Variants in MAZ observed in about 807,000 individuals in gnomAD.
MAZ encodes MYC associated zinc finger protein, also known as myc-associated zinc finger protein.
Under a neutral mutation model 32.7 loss-of-function variants are expected in MAZ, and 4 were observed. That is an observed-to-expected ratio of 0.12 (90% confidence interval 0.06 to 0.28). MAZ has a LOEUF of 0.28. Ranked by LOEUF, MAZ falls within the 10% of genes least tolerant of loss-of-function variation. MAZ has a pLI of 1.00. For missense variants in MAZ, 763 were observed against 667.2 expected, an observed-to-expected ratio of 1.14 and a Z score of -1.58; for synonymous variants, 510 against 297.6, an observed-to-expected ratio of 1.71 and a Z score of -7.35.
At position 29,807,299 on chromosome 16, in the gene MAZ, G is replaced by T; in HGVS notation, c.514G>T (p.Ala172Ser). 6.4e-7 allele frequency: 1 copy of T among 1,565,240 alleles called. No homozygotes were observed. The highest frequency in any genetic ancestry group is 8.6e-7 in the Non-Finnish European group (1 of 1,158,786). Residue 172 changes from alanine to serine, a missense_variant, in exon 2 of 5, where the codon GCC (alanine) becomes TCC (serine). Coordinates refer to ENST00000322945, the MANE Select transcript of MAZ (RefSeq NM_002383.4). ...CGTCGTAGCCCCAACCTCGACGGTC[G>T]CCGTGGCCCCGGTCGCGTCTGCCTT... ...TAVVAPTSTV[A>S]VAPVASALEK...
chr16:29,808,379 TTC>T (rs1056462004), intron 3 of MAZ, 86 bp downstream of exon 3: 19 of 1,359,146 alleles, frequency 1.4e-5, no homozygotes, highest in South Asian at 4.7e-5. Context: ...GACCCCCTTT[TTC>T]TCTCTCTTCT....
chr16:29,806,924 T>TGG, intron 1 of MAZ, 31 bp downstream of exon 1: 1 of 1,243,296 alleles, frequency 8.0e-7, no homozygotes, highest in Non-Finnish European at 1.0e-6. Flanking sequence ...CGGCCCGGGC[T>TGG]GGGGGGGGAC....
intron 4 of MAZ, chr16:29,809,161 T>C: frequency 2.1e-6 from 1 of 485,526 alleles, no homozygotes; most frequent in East Asian, 3.6e-5. Flanking sequence ...AAAGCTGCCT[T>C]CAGTCAGACT....
intron 2 of MAZ, 132 bp downstream of exon 2, chr16:29,807,960 G>A: frequency 3.4e-6 from 5 of 1,451,470 alleles, no homozygotes; most frequent in East Asian, 2.4e-5. Context: ...CAGGGCGGAG[G>A]GAGGAAGCCT....
rs772566942 is a variant in MAZ, at chr16:29,810,157, A to C, written c.1360A>C (p.Thr454Pro). The C allele has an allele frequency of 1.2e-6, 2 of 1,610,334 alleles. No homozygotes were observed. The highest frequency in any genetic ancestry group is 1.7e-6 in the Non-Finnish European group (2 of 1,178,630). ...AAAAAVAAPP[T>P]AVGSLSGAEG... The stretch of plus-strand genomic sequence containing the variant: ...AGCGGCAGCAGTAGCAGCCCCTCCC[A>C]CAGCTGTGGGCTCCCTCTCGGGGGC... Residue 454 changes from threonine to proline, a missense_variant, in exon 5 of 5, where the codon ACA becomes CCA. Thr to Pro is a conservative substitution (Grantham distance 38). Transcript: ENST00000322945.
At position 29,806,674 on chromosome 16, in the gene MAZ, C is replaced by G; in HGVS notation, c.-28C>G. The G allele has an allele frequency of 9.2e-7, 1 of 1,083,678 alleles. No homozygotes were observed. Among genetic ancestry groups the G allele is most frequent in the Non-Finnish European group, 1.1e-6 (1 of 887,760 alleles). 67.1% of individuals were successfully genotyped at this position (1,083,678 alleles called of 1,614,324 possible). ...GCCCGCGCCCCCGGCCCCCGCTGAG[C>G]CCCGGGGGCCCCGCTGCGGCCGAGG... On this transcript the variant is annotated 5_prime_UTR_variant, in exon 1 of 5. Transcript: ENST00000322945.
intron 4 of MAZ, chr16:29,809,497 C>G: frequency 7.5e-7 from 1 of 1,325,928 alleles, no homozygotes; most frequent in Non-Finnish European, 1.1e-6. Flanking sequence ...CTGGGGTCTC[C>G]GCCTGGCTGA....
chr16:29,806,978 G>C lies in MAZ; in HGVS notation c.193G>C (p.Ala65Pro). The change falls in exon 2 of 5, where the codon GCC (alanine) becomes CCC (proline). Residue 65 changes from alanine (A) to proline (P), a missense_variant and splice_region_variant. By Grantham distance (27) the Ala-to-Pro change is conservative (BLOSUM62 -1). Transcript: ENST00000322945. The part of the protein sequence containing the change: ...SQGCAQSPFQ[A>P]APAPPPTPQA... Reference sequence around the variant, plus strand: ...CCCACTCGGCGCCTTGTCTCCGCAGGCCGCGCCGGCGCCCCCGCCCACGCC... The same window carrying C: ...CCCACTCGGCGCCTTGTCTCCGCAGCCCGCGCCGGCGCCCCCGCCCACGCC... 6.8e-6 allele frequency: 7 copies of C among 1,026,954 alleles called. No individual in the cohort carries two copies. The highest frequency in any genetic ancestry group is 8.1e-6 in the Non-Finnish European group (7 of 861,146). 63.6% of individuals were successfully genotyped at this position (1,026,954 alleles called of 1,614,324 possible). A position where few individuals can be genotyped will look rare whatever the true frequency, so the allele number is the denominator to read the frequency against.
rs562354765 is a variant in MAZ at position 29,808,276 on chromosome 16, C to A, written c.1090C>A (p.Arg364=). 6.2e-7 allele frequency: 1 copy of A among 1,614,078 alleles called. No homozygotes were observed. The highest frequency in any genetic ancestry group is 1.3e-5 in the African/African-American group (1 of 75,030). Residue 364 remains arginine, a synonymous_variant, in exon 3 of 5, where the codon CGG becomes AGG. Coordinates refer to ENST00000322945, the MANE Select transcript of MAZ (RefSeq NM_002383.4). The stretch of plus-strand genomic sequence containing the variant: ...CGTCAGACAAGTGCACTCAACAGAA[C>A]GGCCCTTCAAATGTGAGGTAGGAAG... The part of the protein sequence containing the change: ...SHVRQVHSTE[R]PFKCEKCEAA...
At position 29,810,602 on chromosome 16, in the gene MAZ, T is replaced by C. The variant is rs1048219563; in HGVS notation, c.*371T>C. The stretch of plus-strand genomic sequence containing the variant: ...TTCCCTCGACGGTCCTCTTCTCTCC[T>C]TCCAGTCCTCTCCCCCTGCTGTCTG... On this transcript the variant is annotated 3_prime_UTR_variant, in exon 5 of 5. Transcript: ENST00000322945. 5 of 661,106 alleles carry C rather than the reference T, an allele frequency of 7.6e-6. No homozygotes were observed. The highest frequency in any genetic ancestry group is 1.4e-5 in the Non-Finnish European group (5 of 359,774). The allele number at this position is 661,106 out of a possible 1,614,324, so 41.0% of individuals were successfully genotyped here.
chr16:29,810,881 G>C lies in MAZ; in HGVS notation c.*650G>C. 2.9e-6 allele frequency: 1 copy of C among 339,610 alleles called. No individual in the cohort carries two copies. The highest frequency in any genetic ancestry group is 2.3e-5 in the South Asian group (1 of 43,806). 21.0% of individuals were successfully genotyped at this position (339,610 alleles called of 1,614,324 possible). A position where few individuals can be genotyped will look rare whatever the true frequency, so the allele number is the denominator to read the frequency against. On this transcript the variant is annotated 3_prime_UTR_variant, in exon 5 of 5. Transcript: ENST00000322945. The stretch of plus-strand genomic sequence containing the variant: ...CAAGGGGAGCAGGAGGAAGAGCCAG[G>C]AGGGCCAGAGGCAGAGAAGAGATGG...
rs1375936858 is a variant in MAZ, at chr16:29,807,154, C to T, written c.369C>T (p.Asp123=). ...CCCCTGCCGCCGCCTCTACGGTGGA[C>T]ACAGCGGCCCTGAAGCAGCCTCCGG... ...PPAPAAASTV[D]TAALKQPPAP... Residue 123 remains aspartate, a synonymous_variant, in exon 2 of 5, where the codon GAC becomes GAT. Transcript: ENST00000322945. The T allele has an allele frequency of 3.7e-6, 4 of 1,071,884 alleles. No individual in the cohort carries two copies. Among genetic ancestry groups the T allele is most frequent in the Non-Finnish European group, 4.6e-6 (4 of 861,686 alleles). The allele number at this position is 1,071,884 out of a possible 1,614,324, so 66.4% of individuals were successfully genotyped here.
In MAZ at chr16:29,810,295, C is replaced by T. The variant is rs755374540; in HGVS notation, c.*64C>T. 1.0e-4 allele frequency: 153 copies of T among 1,476,642 alleles called. No homozygotes were observed. The African/African-American group carries it at 1.5e-3, about 14-fold the overall frequency. 91.5% of individuals were successfully genotyped at this position (1,476,642 alleles called of 1,614,324 possible). On this transcript the variant is annotated 3_prime_UTR_variant, in exon 5 of 5. Transcript: ENST00000322945. ...AGAGTCCCTTGGTACAAGCTCCTCT[C>T]CCCCCTCTTTTCCCACCAACTCCTA...
At position 29,807,746 on chromosome 16, in the gene MAZ, C is replaced by T. The variant is rs1240421114; in HGVS notation, c.961C>T (p.Arg321Cys). The T allele has an allele frequency of 1.2e-6, 2 of 1,612,764 alleles. No homozygotes were observed. The highest frequency in any genetic ancestry group is 2.2e-5 in the East Asian group (1 of 44,882). Reference protein sequence around the residue: ...VCQQRFKRKDRMSYHVRSHDG... With the variant: ...VCQQRFKRKDCMSYHVRSHDG... The stretch of plus-strand genomic sequence containing the variant: ...CCAGCAGCGCTTCAAGCGCAAGGAC[C>T]GCATGAGCTACCACGTGCGCTCACA... The change falls in exon 2 of 5, where the codon CGC (arginine) becomes TGC (cysteine). Residue 321 changes from arginine (R) to cysteine (C), a missense_variant. Coordinates refer to ENST00000322945, the MANE Select transcript of MAZ (RefSeq NM_002383.4).
Position 29,808,252 on chromosome 16 carries a change from G to C in MAZ, c.1066G>C (p.Val356Leu). Residue 356 changes from valine to leucine, a missense_variant, in exon 3 of 5, where the codon GTC becomes CTC. Val to Leu is a conservative substitution (Grantham distance 32, BLOSUM62 1). Transcript: ENST00000322945. ...FSRPDHLNSH[V>L]RQVHSTERPF... The stretch of plus-strand genomic sequence containing the variant: ...CAGGCCGGATCACCTCAACAGTCAC[G>C]TCAGACAAGTGCACTCAACAGAACG... 6.2e-7 allele frequency: 1 copy of C among 1,614,070 alleles called. No individual in the cohort carries two copies. The highest frequency in any genetic ancestry group is 8.5e-7 in the Non-Finnish European group (1 of 1,179,994).
chr16:29,810,675 T>G lies in MAZ; in HGVS notation c.*444T>G. On this transcript the variant is annotated 3_prime_UTR_variant, in exon 5 of 5. Transcript: ENST00000322945. ...TGCTTTCTTTTCCTTTTTTTTTTTTTTCCAGGGGGAGGGAGGAGAGGAAGG... is the reference window on the plus strand; with the variant it reads ...TGCTTTCTTTTCCTTTTTTTTTTTTGTCCAGGGGGAGGGAGGAGAGGAAGG... The G allele has an allele frequency of 1.2e-5, 6 of 489,530 alleles. No individual in the cohort carries two copies. Among genetic ancestry groups the G allele is most frequent in the East Asian group, 4.0e-5 (1 of 25,300 alleles). The allele number at this position is 489,530 out of a possible 1,614,324, so 30.3% of individuals were successfully genotyped here.
chr16:29,810,918 C>T lies in MAZ; in HGVS notation c.*687C>T. The T allele has an allele frequency of 2.9e-6, 1 of 348,266 alleles. No individual in the cohort carries two copies. The highest frequency in any genetic ancestry group is 2.2e-5 in the South Asian group (1 of 45,960). The allele number at this position is 348,266 out of a possible 1,614,324, so 21.6% of individuals were successfully genotyped here. A position where few individuals can be genotyped will look rare whatever the true frequency, so the allele number is the denominator to read the frequency against. ...CAGAGAAGAGATGGAGTCTTAGGGG[C>T]CAGGGTGAGCGAGGGGTCCAGGGCC... On this transcript the variant is annotated 3_prime_UTR_variant, in exon 5 of 5. Coordinates refer to ENST00000322945, the MANE Select transcript of MAZ (RefSeq NM_002383.4).
At position 29,810,366 on chromosome 16, in the gene MAZ, T is replaced by A. The variant is rs1452988281; in HGVS notation, c.*135T>A. ...CCTCCAGAAGGAAAGGAGGAAGAAA[T>A]GTTTTCTTAGGGGAATTCGCTAGGT... On this transcript the variant is annotated 3_prime_UTR_variant, in exon 5 of 5. Transcript: ENST00000322945. 1 of 957,584 alleles carries A rather than the reference T, an allele frequency of 1.0e-6. No homozygotes were observed. The highest frequency in any genetic ancestry group is 1.6e-6 in the Non-Finnish European group (1 of 616,596). 59.3% of individuals were successfully genotyped at this position (957,584 alleles called of 1,614,324 possible). A position where few individuals can be genotyped will look rare whatever the true frequency, so the allele number is the denominator to read the frequency against.
rs758697723 is a variant in MAZ, at chr16:29,807,307, C to T, written c.522C>T (p.Ala174=). The change falls in exon 2 of 5, where the codon GCC becomes GCT. Residue 174 remains alanine (A), a synonymous_variant. Coordinates refer to ENST00000322945, the MANE Select transcript of MAZ (RefSeq NM_002383.4). ...VVAPTSTVAV[A]PVASALEKKT... ...CCCCAACCTCGACGGTCGCCGTGGC[C>T]CCGGTCGCGTCTGCCTTGGAGAAGA... 1.9e-5 allele frequency: 30 copies of T among 1,586,012 alleles called. No homozygotes were observed. The African/African-American group carries it at 2.8e-4, about 15-fold the overall frequency.
Sources: allele counts gnomAD v4.1 joint callset, GRCh38; gene constraint gnomAD v4.1.1; transcripts MANE v1.5; gene names NCBI Gene and HGNC (gene_info 2026-07-23, HGNC 2026-07-21).